The following VSNL1 variants were observed in gnomAD, a reference collection of about 807,000 sequenced individuals.
VSNL1 encodes the protein visinin like 1, also known as visinin-like protein 1.
Under a neutral mutation model 20.4 loss-of-function variants are expected in VSNL1, and 6 were observed. That is an observed-to-expected ratio of 0.29 (90% CI 0.16 to 0.58). VSNL1 has a LOEUF of 0.58. Among genes scored for constraint, VSNL1 ranks in the 20% least tolerant of loss-of-function variants. The pLI, the probability that VSNL1 is intolerant of heterozygous loss-of-function variation, is 0.90. For synonymous variants in VSNL1, 93 were observed against 86.4 expected (o/e 1.08, Z -0.42); for missense variants, 100 against 234.5 (o/e 0.43, Z 3.75).
chr2:17,598,476 G>A (rs553098912), intron 2 of VSNL1, among the ~76,000 whole-genome samples: 1 of 152,202 alleles, frequency 6.6e-6, no homozygotes, highest in Non-Finnish European at 1.5e-5. Context: ...CCTTCCTCAG[G>A]TTGCTAGTTC....
At chr2:17,592,867 G>A (rs891251462) in intron 2 of VSNL1, among the ~76,000 whole-genome samples, 1 of 151,740 alleles carries the variant, frequency 6.6e-6, no homozygotes, top group Non-Finnish European at 1.5e-5. Context: ...CCCATAAAAG[G>A]TACAATTTCT....
intron 2 of VSNL1, among the ~76,000 whole-genome samples, chr2:17,620,814 A>T (rs1665337043): frequency 1.3e-5 from 2 of 152,250 alleles, no homozygotes; most frequent in African/African-American, 2.4e-5. Context: ...GCTAGTGTAA[A>T]ACAGTACAGA....
intron 2 of VSNL1, among the ~76,000 whole-genome samples, chr2:17,593,577 A>C (rs1275966492): frequency 2.0e-5 from 3 of 152,210 alleles, no homozygotes; most frequent in African/African-American, 7.2e-5. Context: ...GTGGTTAGAT[A>C]TATATTGTGT....
chr2:17,627,330 A>G (rs562817493), intron 2 of VSNL1, among the ~76,000 whole-genome samples: 68 of 152,298 alleles, frequency 4.5e-4, no homozygotes, highest in Admixed American at 2.5e-3. Context: ...TGACCTTTTC[A>G]CCTTGGTAGT....
intron 2 of VSNL1, among the ~76,000 whole-genome samples, chr2:17,623,496 C>T (rs1317159744): frequency 8.6e-5 from 13 of 151,754 alleles, no homozygotes; most frequent in Admixed American, 2.6e-4. Context: ...GGCGAAACCC[C>T]GTCTCTACTA....
At chr2:17,611,369 C>T (rs1212285943) in intron 2 of VSNL1, among the ~76,000 whole-genome samples, 1 of 152,222 alleles carries the variant, frequency 6.6e-6, no homozygotes. Context: ...ACCATTTGAG[C>T]CTCAGTTACT....
At position 17,656,207 on chromosome 2, in the gene VSNL1, T is replaced by C. The variant is rs1401131652; in HGVS notation, c.*813T>C. ...GATTTTCCCCCTAATTCTTATTTTA[T>C]AATTTTAAAATTGCAGCAGTTGCTA... is the stretch of plus-strand genomic sequence containing the variant. On this transcript the variant is annotated 3_prime_UTR_variant, in exon 4 of 4. Coordinates refer to ENST00000295156, the MANE Select transcript of VSNL1 (RefSeq NM_003385.5). The C allele has an allele frequency of 6.6e-6, 1 of 152,228 alleles. No homozygotes were observed. The highest frequency in any genetic ancestry group is 6.5e-5 in the Admixed American group (1 of 15,290). 9.4% of individuals were successfully genotyped at this position (152,228 alleles called of 1,614,324 possible). A position where few individuals can be genotyped will look rare whatever the true frequency, so the allele number is the denominator to read the frequency against.
At chr2:17,569,122 C>T (rs573114217) in intron 1 of VSNL1, among the ~76,000 whole-genome samples, 1 of 152,158 alleles carries the variant, frequency 6.6e-6, no homozygotes, top group East Asian at 1.9e-4. Flanking sequence ...GTCTGGCCAA[C>T]ATGGCGAAAC....
At chr2:17,572,778 A>G (rs1664112983) in intron 1 of VSNL1, among the ~76,000 whole-genome samples, 1 of 152,166 alleles carries the variant, frequency 6.6e-6, no homozygotes, top group Non-Finnish European at 1.5e-5. Context: ...TGAACATAAC[A>G]TGCTCTTTCA....
chr2:17,567,351 C>T (rs942347711), intron 1 of VSNL1: 1 of 85,790 alleles, frequency 1.2e-5, no homozygotes, highest in African/African-American at 4.0e-5. Flanking sequence ...CATAGAGTCT[C>T]ACTTTTTTTT....
At chr2:17,633,118 A>T (rs534210025) in intron 2 of VSNL1, among the ~76,000 whole-genome samples, 1 of 152,302 alleles carries the variant, frequency 6.6e-6, no homozygotes, top group South Asian at 2.1e-4. Flanking sequence ...GCGAATGAGG[A>T]GCAAAGTCAT....
intron 1 of VSNL1, among the ~76,000 whole-genome samples, chr2:17,559,164 C>G (rs1663754947): frequency 6.6e-6 from 1 of 152,106 alleles, no homozygotes; most frequent in Admixed American, 6.6e-5. Context: ...TCATACCCTT[C>G]CCTGTTAAGG....
At chr2:17,551,683 T>C (rs1298088760) in intron 1 of VSNL1, among the ~76,000 whole-genome samples, 9 of 152,098 alleles carry the variant, frequency 5.9e-5, no homozygotes, top group Non-Finnish European at 1.0e-4. Flanking sequence ...ACCAATGGCA[T>C]AGGAGAAACT....
At chr2:17,636,093 G>T (rs2103416917) in intron 2 of VSNL1, among the ~76,000 whole-genome samples, 1 of 152,192 alleles carries the variant, frequency 6.6e-6, no homozygotes, top group South Asian at 2.1e-4. Context: ...TTAGAATTAT[G>T]ATATGAAGCC....
At chr2:17,566,941 C>G (rs1256750212) in intron 1 of VSNL1, among the ~76,000 whole-genome samples, 1 of 152,210 alleles carries the variant, frequency 6.6e-6, no homozygotes, top group Admixed American at 6.5e-5. Flanking sequence ...ATGTTTAGCT[C>G]TCTGTTCTAT....
At chr2:17,571,069 A>C (rs1419557238) in intron 1 of VSNL1, among the ~76,000 whole-genome samples, 7 of 152,194 alleles carry the variant, frequency 4.6e-5, no homozygotes, top group Admixed American at 3.9e-4. Flanking sequence ...ATAAACTGGT[A>C]ATATTTCCCT....
chr2:17,630,745 C>T (rs1423725310), intron 2 of VSNL1, among the ~76,000 whole-genome samples: 1 of 152,134 alleles, frequency 6.6e-6, no homozygotes, highest in Non-Finnish European at 1.5e-5. Flanking sequence ...ATCAAACATA[C>T]ACCCGCATAT....
At chr2:17,631,875 G>A (rs983879126) in intron 2 of VSNL1, among the ~76,000 whole-genome samples, 1 of 152,168 alleles carries the variant, frequency 6.6e-6, no homozygotes, top group African/African-American at 2.4e-5. Context: ...ATGAAGGTAA[G>A]GTTTGTTGTT....
At chr2:17,552,175 G>A (rs1383333133) in intron 1 of VSNL1, among the ~76,000 whole-genome samples, 2 of 149,672 alleles carry the variant, frequency 1.3e-5, no homozygotes, top group South Asian at 2.2e-4. Flanking sequence ...ACTCCAGCCT[G>A]GGCGACAGAG....
Sources: allele counts gnomAD v4.1 joint callset (sites outside exome capture counted in the v4.1 genomes callset), GRCh38; gene constraint gnomAD v4.1.1; transcripts MANE v1.5; gene names NCBI Gene and HGNC (gene_info 2026-07-23, HGNC 2026-07-21).